Variants in RBFOX1 observed in about 807,000 individuals in gnomAD.
RBFOX1 encodes RNA binding protein fox-1 homolog 1.
A neutral mutation model predicts 57.7 loss-of-function variants in RBFOX1; 8 were observed. The ratio of observed to expected loss-of-function variants is 0.14; its 90% CI spans 0.08 to 0.25. The LOEUF (loss-of-function observed/expected upper bound fraction) is 0.25. Ranked by LOEUF, RBFOX1 falls within the 10% of genes least tolerant of loss-of-function variation. The probability of loss-of-function intolerance (pLI) is 1.00; values close to 1 mark genes in which losing one functional copy is unlikely to be tolerated. For synonymous variants in RBFOX1, 326 were observed against 222.4 expected (o/e 1.47, Z -4.15); for missense variants, 611 against 548.5 (o/e 1.11, Z -1.14).
At chr16:6,724,963 C>T (rs1179296640) in intron 3 of RBFOX1, among the ~76,000 whole-genome samples, 1 of 150,578 alleles carries the variant, frequency 6.6e-6, no homozygotes, top group African/African-American at 2.4e-5. Context: ...TTTTGGCATG[C>T]AAATGCATTA....
At chr16:5,428,430 G>T (rs181790361) in intron 1 of RBFOX1, among the ~76,000 whole-genome samples, 109 of 152,272 alleles carry the variant, frequency 7.2e-4, no homozygotes, top group African/African-American at 2.2e-3. Context: ...TAAGTGCCAG[G>T]TGCTGATGTA....
At chr16:7,109,195 T>C (rs1041241877) in intron 4 of RBFOX1, among the ~76,000 whole-genome samples, 3 of 152,146 alleles carry the variant, frequency 2.0e-5, no homozygotes, top group African/African-American at 7.2e-5. Context: ...GAAAAATAGA[T>C]AAAACAAGTA....
chr16:7,263,136 A>G (rs1038346666), intron 4 of RBFOX1, among the ~76,000 whole-genome samples: 2 of 152,130 alleles, frequency 1.3e-5, no homozygotes, highest in Non-Finnish European at 2.9e-5. Context: ...ATTAAATGCT[A>G]TTGTGCATGC....
intron 1 of RBFOX1, among the ~76,000 whole-genome samples, chr16:6,179,935 A>T (rs2097049220): frequency 6.6e-6 from 1 of 152,152 alleles, no homozygotes; most frequent in Admixed American, 6.6e-5. Flanking sequence ...TTGTCATGAA[A>T]GGGTCTTGAC....
intron 2 of RBFOX1, among the ~76,000 whole-genome samples, chr16:5,543,543 A>C (rs930691886): frequency 6.6e-6 from 1 of 152,222 alleles, no homozygotes; most frequent in Non-Finnish European, 1.5e-5. Flanking sequence ...TAATCTCTGG[A>C]ACAAGTTCAA....
chr16:6,779,783 ATTTTTATATATACT>A (rs1567208151), intron 3 of RBFOX1, among the ~76,000 whole-genome samples: 1 of 16,430 alleles, frequency 6.1e-5, no homozygotes, highest in African/African-American at 5.2e-4. Context: ...ATTTATATAT[ATTTTTATATATACT>A]TTTATATATT....
Position 7,674,803 on chromosome 16 carries a change from C to T in RBFOX1, c.931-1971C>T, listed in dbSNP as rs139165895. The stretch of plus-strand genomic sequence containing the variant: ...GTGTGGTTCATTTAGTTGTTTGCAC[C>T]GCAGCAATTCTTCCCATTTATCGGA... On this transcript the variant is annotated intron_variant, in intron 13 of 15. Transcript: ENST00000550418. 3.3e-4 allele frequency among the ~76,000 whole-genome samples: 50 copies of T among 152,188 alleles called. No homozygotes were observed. In the East Asian group the frequency reaches 4.3e-3, roughly 13 times the overall value.
intron 1 of RBFOX1, among the ~76,000 whole-genome samples, chr16:6,214,172 C>T (rs937642051): frequency 1.6e-4 from 25 of 152,224 alleles, no homozygotes; most frequent in African/African-American, 6.0e-4. Context: ...GTACCTCTCT[C>T]CTTCTCTCCC....
chr16:6,994,546 G>T (rs1046690515), intron 3 of RBFOX1, among the ~76,000 whole-genome samples: 1 of 152,168 alleles, frequency 6.6e-6, no homozygotes, highest in Non-Finnish European at 1.5e-5. Flanking sequence ...AGAAGCAAAA[G>T]AAGCCAAAAC....
At chr16:5,727,763 C>G (rs1055287819) in intron 3 of RBFOX1, among the ~76,000 whole-genome samples, 1 of 152,190 alleles carries the variant, frequency 6.6e-6, no homozygotes, top group African/African-American at 2.4e-5. Flanking sequence ...TCATGGCTCA[C>G]TGCAGCCTCA....
intron 1 of RBFOX1, among the ~76,000 whole-genome samples, chr16:5,411,561 G>T (rs2067022417): frequency 6.6e-6 from 1 of 152,180 alleles, no homozygotes. Context: ...AACGTGTGTT[G>T]TTTGAAGACA....
chr16:6,690,315 T>G (rs6500810), intron 3 of RBFOX1, among the ~76,000 whole-genome samples: 1 of 152,126 alleles, frequency 6.6e-6, no homozygotes, highest in East Asian at 1.9e-4. Flanking sequence ...TTAAGTGTGC[T>G]TAGAGTGATA....
chr16:6,809,787 ACACTT>A (rs146521038), intron 3 of RBFOX1, among the ~76,000 whole-genome samples: 13,024 of 152,188 alleles, frequency 0.086, 632 homozygotes, highest in South Asian at 0.18. Flanking sequence ...CTTTTAAAAA[ACACTT>A]CAGCTGCCAA....
chr16:6,320,830 G>A (rs775233122), intron 2 of RBFOX1, among the ~76,000 whole-genome samples: 2 of 152,066 alleles, frequency 1.3e-5, no homozygotes, highest in East Asian at 3.9e-4. Context: ...ATCTCACTCT[G>A]TTGCCCAGGC....
chr16:5,990,920 G>C (rs1033461709), intron 4 of RBFOX1, among the ~76,000 whole-genome samples: 1 of 152,164 alleles, frequency 6.6e-6, no homozygotes, highest in East Asian at 1.9e-4. Context: ...GTTGCAGTGA[G>C]ATGAGCACAC....
intron 2 of RBFOX1, among the ~76,000 whole-genome samples, chr16:6,566,225 A>G (rs1331984735): frequency 1.3e-5 from 2 of 152,176 alleles, no homozygotes; most frequent in African/African-American, 4.8e-5. Context: ...TTTTTGGTGA[A>G]AAGCAACTGA....
intron 1 of RBFOX1, among the ~76,000 whole-genome samples, chr16:5,346,565 C>A (rs78603715): frequency 3.3e-5 from 5 of 152,136 alleles, no homozygotes; most frequent in African/African-American, 9.7e-5. Flanking sequence ...TCTGGGGCTC[C>A]CAGTTGGCTC....
chr16:6,553,633 A>G (rs1191515761), intron 2 of RBFOX1, among the ~76,000 whole-genome samples: 2 of 152,044 alleles, frequency 1.3e-5, no homozygotes, highest in Non-Finnish European at 2.9e-5. Flanking sequence ...GTGGGGATGG[A>G]CGATCTCTCT....
intron 4 of RBFOX1, among the ~76,000 whole-genome samples, chr16:7,150,724 C>CT (rs1382475629): frequency 6.6e-6 from 1 of 152,192 alleles, no homozygotes; most frequent in East Asian, 1.9e-4. Flanking sequence ...CAGCTGTTAA[C>CT]TTTTTGCTTC....
Sources: gnomAD v4.1 joint callset for allele counts (sites outside exome capture counted in the v4.1 genomes callset) on GRCh38, gnomAD v4.1.1 for gene constraint, MANE v1.5 for transcripts, NCBI Gene and HGNC (gene_info 2026-07-23, HGNC 2026-07-21) for gene names.